The following SMO variants were observed in gnomAD, a reference collection of about 807,000 sequenced individuals.
The protein encoded by SMO is protein smoothened.
In SMO, 40 loss-of-function variants were observed where a neutral mutation model predicts 81.6. The observed-to-expected ratio is 0.49, with a 90% CI of 0.38 to 0.64. The LOEUF (loss-of-function observed/expected upper bound fraction) is 0.64, where lower values mean the gene tolerates loss of function less well. Ranked by LOEUF, SMO falls within the 30% of genes least tolerant of loss-of-function variation. The pLI, the probability that SMO is intolerant of heterozygous loss-of-function variation, is 0.00. For synonymous variants in SMO, 434 were observed against 432.1 expected, an observed-to-expected ratio of 1.00 and a Z score of -0.05; for missense variants, 916 against 1,061.1, an observed-to-expected ratio of 0.86 and a Z score of 1.90.
intron 1 of SMO, among the ~76,000 whole-genome samples, chr7:129,199,475 A>G (rs1393009042): frequency 2.6e-5 from 4 of 152,114 alleles, no homozygotes; most frequent in Non-Finnish European, 1.5e-5. Context: ...AGCCACCACC[A>G]TGCTCAGCCT....
chr7:129,196,283 T>C (rs896640401), intron 1 of SMO, among the ~76,000 whole-genome samples: 8 of 151,552 alleles, frequency 5.3e-5, no homozygotes, highest in Non-Finnish European at 7.4e-5. Context: ...AGAATGTTAC[T>C]TACAGAATAT....
rs1351103187 is a variant in SMO at position 129,189,623 on chromosome 7, C to T, written c.331+141C>T. ...AGAGTTGGAGGGACAGATCCCGAAACTTTGGGGGCAGGTTACGTGCAGGAT... is the reference window on the plus strand; with the variant it reads ...AGAGTTGGAGGGACAGATCCCGAAATTTTGGGGGCAGGTTACGTGCAGGAT... On this transcript the variant is annotated intron_variant, in intron 1 of 11. Coordinates refer to ENST00000249373, the MANE Select transcript of SMO (RefSeq NM_005631.5). The surrounding 1 kb of genome is among the most constrained non-coding windows in gnomAD (Gnocchi z 4.7). 3.3e-6 allele frequency: 3 copies of T among 919,522 alleles called. No individual in the cohort carries two copies. Among genetic ancestry groups the T allele is most frequent in the Non-Finnish European group, 4.8e-6 (3 of 625,724 alleles). The allele number at this position is 919,522 out of a possible 1,614,324, so 57.0% of individuals were successfully genotyped here.
At position 129,212,210 on chromosome 7, in the gene SMO, C is replaced by G. The variant is rs777261235; in HGVS notation, c.2123C>G (p.Pro708Arg). 1.9e-6 allele frequency: 3 copies of G among 1,571,614 alleles called. No individual in the cohort carries two copies. The highest frequency in any genetic ancestry group is 1.4e-5 in the African/African-American group (1 of 73,920). Residue 708 changes from proline (P) to arginine (R), a missense_variant, in exon 12 of 12, where the codon CCC (proline) becomes CGC (arginine). Transcript: ENST00000249373. This position sits in a 1 kb window ranked among gnomAD's most constrained non-coding sequence, Gnocchi z 5.0. ...ACCATTCCTCGACTGCCTCAGCTGC[C>G]CCGGCAGAAATGCCTGGTGGCTGCA... ...PSTIPRLPQL[P>R]RQKCLVAAGA... is the part of the protein sequence containing the mutation.
At chr7:129,198,163 G>A (rs13244260) in intron 1 of SMO, among the ~76,000 whole-genome samples, 4,297 of 152,110 alleles carry the variant, frequency 0.028, 87 homozygotes, top group Admixed American at 0.066. Flanking sequence ...TATTGCCCAG[G>A]TTGGTCTCGA....
intron 1 of SMO, among the ~76,000 whole-genome samples, chr7:129,191,097 C>T (rs1489617172): frequency 6.6e-6 from 1 of 152,210 alleles, no homozygotes; most frequent in Non-Finnish European, 1.5e-5. Flanking sequence ...GCACTAGAAT[C>T]TCACCCAGTT....
At chr7:129,195,828 G>T (rs1466329670) in intron 1 of SMO, among the ~76,000 whole-genome samples, 1 of 152,070 alleles carries the variant, frequency 6.6e-6, no homozygotes, top group Non-Finnish European at 1.5e-5. Context: ...TGGGCCAGGC[G>T]TGGTGGCTCA....
chr7:129,210,522 G>A lies in SMO; in HGVS notation c.1626G>A (p.Leu542=), dbSNP rs2150653993. 1 of 1,614,144 alleles carries A rather than the reference G, an allele frequency of 6.2e-7. No individual in the cohort carries two copies. The highest frequency in any genetic ancestry group is 8.5e-7 in the Non-Finnish European group (1 of 1,179,976). ...MSTWVWTKAT[L]LIWRRTWCRL... ...CCTGGGTCTGGACCAAGGCCACGCT[G>A]CTCATCTGGAGGCGTACCTGGTGCA... The change falls in exon 9 of 12, where the codon CTG becomes CTA. Residue 542 remains leucine (L), a synonymous_variant. Coordinates refer to ENST00000249373, the MANE Select transcript of SMO (RefSeq NM_005631.5). This position sits in a 1 kb window ranked among gnomAD's most constrained non-coding sequence, Gnocchi z 4.7.
Position 129,206,466 on chromosome 7 carries a change from G to C in SMO, c.1143G>C (p.Val381=), listed in dbSNP as rs2150650619. ...LTVAILAVAQ[V]DGDSVSGICF... is the part of the protein sequence containing the mutation. ...TGTCCCACCCCTTCCTGCTGCAGGT[G>C]GATGGGGACTCTGTGAGTGGGATTT... Residue 381 remains valine, a splice_region_variant and synonymous_variant, in exon 6 of 12, where the codon GTG becomes GTC. Coordinates refer to ENST00000249373, the MANE Select transcript of SMO (RefSeq NM_005631.5). This position sits in a 1 kb window ranked among gnomAD's most constrained non-coding sequence, Gnocchi z 4.4. 6.2e-7 allele frequency: 1 copy of C among 1,614,100 alleles called. No homozygotes were observed. The highest frequency in any genetic ancestry group is 8.5e-7 in the Non-Finnish European group (1 of 1,179,972).
chr7:129,211,521 T>C lies in SMO; in HGVS notation c.1802-115T>C. On this transcript the variant is annotated intron_variant, in intron 10 of 11. Transcript: ENST00000249373. This position sits in a 1 kb window ranked among gnomAD's most constrained non-coding sequence, Gnocchi z 4.6. ...CACCGTGGTTACAGGGTGAGCTTTCTCTGGTGAGCAGGAGGGACTGGCTGT... is the reference window on the plus strand; with the variant it reads ...CACCGTGGTTACAGGGTGAGCTTTCCCTGGTGAGCAGGAGGGACTGGCTGT... 1 of 1,182,402 alleles carries C rather than the reference T, an allele frequency of 8.5e-7. No homozygotes were observed. Among genetic ancestry groups the C allele is most frequent in the Non-Finnish European group, 1.2e-6 (1 of 802,774 alleles). 73.2% of individuals were successfully genotyped at this position (1,182,402 alleles called of 1,614,324 possible).
Position 129,205,205 on chromosome 7 carries a change from T to A in SMO, c.540T>A (p.Asn180Lys), listed in dbSNP as rs2150648041. ...TCTTTTCCCATCCCTGGTGCCAGAA[T>A]GAGGTGCAGAACATCAAGTTCAACA... ...TPDRFPEGCT[N>K]EVQNIKFNSS... is the part of the protein sequence containing the mutation. Residue 180 changes from asparagine (N) to lysine (K), a missense_variant and splice_region_variant, in exon 3 of 12, where the codon AAT becomes AAA. This residue lies in a region of SMO where 436 missense variants were observed against 570.9 expected (regional missense o/e 0.76). Transcript: ENST00000249373. 1 of 1,613,956 alleles carries A rather than the reference T, an allele frequency of 6.2e-7. No individual in the cohort carries two copies. Among genetic ancestry groups the A allele is most frequent in the Non-Finnish European group, 8.5e-7 (1 of 1,179,860 alleles).
chr7:129,189,407 G>C lies in SMO; in HGVS notation c.256G>C (p.Gly86Arg), dbSNP rs2150638334. The C allele has an allele frequency of 3.3e-6, 5 of 1,538,112 alleles. No individual in the cohort carries two copies. The highest frequency in any genetic ancestry group is 4.4e-6 in the Non-Finnish European group (5 of 1,146,692). ...GTGCCTGGGCTCGGTGCTGCCCTAC[G>C]GGGCCACCTCCACACTGCTGGCCGG... Reference protein sequence around the residue: ...NVCLGSVLPYGATSTLLAGDS... With the variant: ...NVCLGSVLPYRATSTLLAGDS... Residue 86 changes from glycine to arginine, a missense_variant, in exon 1 of 12, where the codon GGG becomes CGG. Coordinates refer to ENST00000249373, the MANE Select transcript of SMO (RefSeq NM_005631.5). This position sits in a 1 kb window ranked among gnomAD's most constrained non-coding sequence, Gnocchi z 4.7.
chr7:129,211,226 C>G lies in SMO; in HGVS notation c.1801+113C>G. On this transcript the variant is annotated intron_variant, in intron 10 of 11. Coordinates refer to ENST00000249373, the MANE Select transcript of SMO (RefSeq NM_005631.5). This position sits in a 1 kb window ranked among gnomAD's most constrained non-coding sequence, Gnocchi z 4.6. Reference sequence around the variant, plus strand: ...TATTTGGAAGACCGACTGTGAGGAGCAAGGCGCTCCCTCCATCGCTCACAC... The same window carrying G: ...TATTTGGAAGACCGACTGTGAGGAGGAAGGCGCTCCCTCCATCGCTCACAC... 8.7e-7 allele frequency: 1 copy of G among 1,154,236 alleles called. No homozygotes were observed. Among genetic ancestry groups the G allele is most frequent in the Non-Finnish European group, 1.3e-6 (1 of 796,884 alleles). The allele number at this position is 1,154,236 out of a possible 1,614,324, so 71.5% of individuals were successfully genotyped here.
Position 129,208,313 on chromosome 7 carries a change from T to A in SMO, c.1265-446T>A, listed in dbSNP as rs1223264147. Among the ~76,000 whole-genome samples, 6 of 151,866 alleles carry A rather than the reference T, an allele frequency of 4.0e-5. No individual in the cohort carries two copies. The highest frequency in any genetic ancestry group is 1.5e-4 in the African/African-American group (6 of 41,320). On this transcript the variant is annotated intron_variant, in intron 6 of 11. Transcript: ENST00000249373. This position sits in a 1 kb window ranked among gnomAD's most constrained non-coding sequence, Gnocchi z 5.2. ...ACAAAAATACAAAAATTAGCCGGCGTGATGGTAGGTGCCTGTGATCCCAGC... is the reference window on the plus strand; with the variant it reads ...ACAAAAATACAAAAATTAGCCGGCGAGATGGTAGGTGCCTGTGATCCCAGC...
Position 129,211,954 on chromosome 7 carries a change from C to A in SMO, c.1937-70C>A, listed in dbSNP as rs143955877. The stretch of plus-strand genomic sequence containing the variant: ...GGCCCCAGAACTAACAGGTTAAGTG[C>A]TCCCAGGGGAGCGGGGGTGGCATGG... On this transcript the variant is annotated intron_variant, in intron 11 of 11. Transcript: ENST00000249373. The surrounding 1 kb of genome is among the most constrained non-coding windows in gnomAD (Gnocchi z 4.6). 1,809 of 1,472,534 alleles carry A rather than the reference C, an allele frequency of 1.2e-3. 19 individuals carry two copies. The East Asian group carries it at 0.021, about 17-fold the overall frequency. 91.2% of individuals were successfully genotyped at this position (1,472,534 alleles called of 1,614,324 possible).
chr7:129,192,526 A>C (rs1372703520), intron 1 of SMO, among the ~76,000 whole-genome samples: 1 of 152,186 alleles, frequency 6.6e-6, no homozygotes, highest in East Asian at 1.9e-4. Flanking sequence ...GAGCAGGGAA[A>C]GCCTGGAGCC....
intron 1 of SMO, among the ~76,000 whole-genome samples, chr7:129,193,063 A>C (rs1477512675): frequency 6.6e-6 from 1 of 152,132 alleles, no homozygotes; most frequent in Non-Finnish European, 1.5e-5. Flanking sequence ...TCCCCTTTAC[A>C]GCTGGAAATG....
Position 129,205,606 on chromosome 7 carries a change from C to T in SMO, c.748-4C>T. 1 of 1,612,738 alleles carries T rather than the reference C, an allele frequency of 6.2e-7. No homozygotes were observed. Among genetic ancestry groups the T allele is most frequent in the Non-Finnish European group, 8.5e-7 (1 of 1,178,800 alleles). Reference sequence around the variant, plus strand: ...TCACAGAATGGCCCACTTCTCTCTTCTAGGCCACATTCGTGGCTGACTGGC... The same window carrying T: ...TCACAGAATGGCCCACTTCTCTCTTTTAGGCCACATTCGTGGCTGACTGGC... On this transcript the variant is annotated splice_polypyrimidine_tract_variant and splice_region_variant and intron_variant, in intron 3 of 11. Coordinates refer to ENST00000249373, the MANE Select transcript of SMO (RefSeq NM_005631.5).
At chr7:129,192,205 C>T (rs1203787836) in intron 1 of SMO, among the ~76,000 whole-genome samples, 2 of 151,936 alleles carry the variant, frequency 1.3e-5, no homozygotes, top group African/African-American at 2.4e-5. Flanking sequence ...ATTGCCTGGC[C>T]GAGGGAGAGT....
rs1010691291 is a variant in SMO, at chr7:129,208,036, T to G, written c.1265-723T>G. ...TTAATAATTTGTTACATGGATTACATGTTGAAATGATTTTATTTTGAATAT... is the reference window on the plus strand; with the variant it reads ...TTAATAATTTGTTACATGGATTACAGGTTGAAATGATTTTATTTTGAATAT... On this transcript the variant is annotated intron_variant, in intron 6 of 11. Coordinates refer to ENST00000249373, the MANE Select transcript of SMO (RefSeq NM_005631.5). This position sits in a 1 kb window ranked among gnomAD's most constrained non-coding sequence, Gnocchi z 5.2. 5.3e-5 allele frequency among the ~76,000 whole-genome samples: 8 copies of G among 152,216 alleles called. No individual in the cohort carries two copies. The highest frequency in any genetic ancestry group is 1.9e-4 in the African/African-American group (8 of 41,448).
Sources: gnomAD v4.1 joint callset for allele counts (sites outside exome capture counted in the v4.1 genomes callset) on GRCh38, gnomAD v4.1.1 for gene constraint, gnomAD v4.1.1 regional missense constraint, Gnocchi (gnomAD v3.1) non-coding constraint, MANE v1.5 for transcripts, NCBI Gene and HGNC (gene_info 2026-07-23, HGNC 2026-07-21) for gene names.